The following CHRNB4 variants were observed in gnomAD, a reference collection of about 807,000 sequenced individuals.
CHRNB4 encodes the protein cholinergic receptor nicotinic beta 4 subunit.
A neutral mutation model predicts 40.4 loss-of-function variants in CHRNB4; 23 were observed. That is an observed-to-expected ratio of 0.57 (90% CI 0.41 to 0.81). The LOEUF is 0.81. Ranked by LOEUF, CHRNB4 falls within the 30% of genes least tolerant of loss-of-function variation. The pLI is 0.00. For missense variants in CHRNB4, 568 were observed against 670.6 expected (o/e 0.85, Z 1.69); for synonymous variants, 285 against 274.4 (o/e 1.04, Z -0.38).
intron 7 of CHRNB4, among the ~76,000 whole-genome samples, chr15:78,647,979 G>A (rs1279118854): frequency 6.6e-6 from 1 of 151,300 alleles, no homozygotes; most frequent in Non-Finnish European, 1.5e-5. Context: ...TGGTCTGAAT[G>A]TGTCTCCCAA....
intron 1 of CHRNB4, among the ~76,000 whole-genome samples, chr15:78,638,172 C>T (rs557861647): frequency 2.0e-3 from 301 of 152,334 alleles, no homozygotes; most frequent in African/African-American, 7.0e-3. Context: ...TCTGACAGGG[C>T]TCCCAAGCGC....
At position 78,648,603 on chromosome 15, in the gene CHRNB4, A is replaced by T. The variant is rs2054146230; in HGVS notation, c.46+776T>A. On this transcript the variant is annotated intron_variant and NMD_transcript_variant, in intron 7 of 11. Transcript: ENST00000559849. Reference sequence around the variant, plus strand: ...ACCCTGTATCTACTAAAAATACAAAAATTAGCCAGGTGTGGTGGCAGATGC... The same window carrying T: ...ACCCTGTATCTACTAAAAATACAAATATTAGCCAGGTGTGGTGGCAGATGC... 6.0e-5 allele frequency among the ~76,000 whole-genome samples: 9 copies of T among 150,560 alleles called. No homozygotes were observed. The South Asian group carries it at 1.9e-3, about 32-fold the overall frequency.
chr15:78,660,454 C>T (rs958579659), intron 1 of CHRNB4: 1 of 152,368 alleles, frequency 6.6e-6, no homozygotes, highest in African/African-American at 2.4e-5. Context: ...TCAATATTCT[C>T]CTTTCTAGTA....
Position 78,624,671 on chromosome 15 carries a change from CG to C in CHRNB4, c.*461del, listed in dbSNP as rs1444925542. Reference sequence around the variant, plus strand: ...GGCAGGAGAATCACTTGAGCCTGGGCGATATAGCAAGACTCCGTTTAAAAGA... The same window carrying C: ...GGCAGGAGAATCACTTGAGCCTGGGCATATAGCAAGACTCCGTTTAAAAGA... On this transcript the variant is annotated 3_prime_UTR_variant, in exon 6 of 6. Coordinates refer to ENST00000261751, the MANE Select transcript of CHRNB4 (RefSeq NM_000750.5). 88 of 288,568 alleles carry C rather than the reference CG, an allele frequency of 3.0e-4. No homozygotes were observed. The highest frequency in any genetic ancestry group is 1.2e-3 in the South Asian group (8 of 6,444). The allele number at this position is 288,568 out of a possible 1,614,324, so 17.9% of individuals were successfully genotyped here.
chr15:78,656,942 C>G (rs976190223), intron 3 of CHRNB4, among the ~76,000 whole-genome samples: 3 of 152,182 alleles, frequency 2.0e-5, no homozygotes, highest in Non-Finnish European at 4.4e-5. Flanking sequence ...GGCATCTGCC[C>G]TAAGTTCCAG....
At chr15:78,630,300 G>A (rs770360145) in intron 4 of CHRNB4, among the ~76,000 whole-genome samples, 21 of 152,118 alleles carry the variant, frequency 1.4e-4, no homozygotes, top group African/African-American at 3.9e-4. Flanking sequence ...CACCACGCCC[G>A]GCTAATTTTG....
Position 78,635,521 on chromosome 15 carries a change from T to C in CHRNB4, c.122A>G (p.Asn41Ser), listed in dbSNP as rs75495090. Residue 41 changes from asparagine (N) to serine (S), a missense_variant, in exon 2 of 6, where the codon AAT (asparagine) becomes AGT (serine). Around this residue, in one of 4 missense-constraint regions of CHRNB4, gnomAD observed 161 missense variants for 148.1 expected, o/e 1.09. Coordinates refer to ENST00000261751, the MANE Select transcript of CHRNB4 (RefSeq NM_000750.5). ...MDDLLNKTRY[N>S]NLIRPATSSS... ...GCTGGTGGCTGGGCGGATCAGGTTA[T>C]TGTAACGGGTTTTGTTCAGAAGGTC... 8.1e-4 allele frequency: 1,300 copies of C among 1,614,134 alleles called. 7 individuals carry two copies. The African/African-American group carries it at 0.015, about 19-fold the overall frequency.
intron 5 of CHRNB4, chr15:78,626,165 G>C (rs1231319322): frequency 6.6e-6 from 1 of 152,182 alleles, no homozygotes; most frequent in East Asian, 1.9e-4. Context: ...GTTTGTCAAG[G>C]CCCTGTCAAT....
Position 78,625,219 on chromosome 15 carries a change from C to A in CHRNB4, c.1411G>T (p.Val471Phe). Reference protein sequence around the residue: ...LFLWVFMFVCVLGTVGLFLPP... With the variant: ...LFLWVFMFVCFLGTVGLFLPP... ...AGGAAGAGCCCCACAGTGCCCAGGACGCACACAAACATGAACACCCACAGG... is the reference window on the plus strand; with the variant it reads ...AGGAAGAGCCCCACAGTGCCCAGGAAGCACACAAACATGAACACCCACAGG... Residue 471 changes from valine to phenylalanine, a missense_variant, in exon 6 of 6, where the codon GTC becomes TTC. Coordinates refer to ENST00000261751, the MANE Select transcript of CHRNB4 (RefSeq NM_000750.5). The A allele has an allele frequency of 1.9e-6, 3 of 1,595,624 alleles. No individual in the cohort carries two copies. The highest frequency in any genetic ancestry group is 1.8e-5 in the Admixed American group (1 of 56,044).
Position 78,647,485 on chromosome 15 carries a change from G to A in CHRNB4, c.46+1894C>T, listed in dbSNP as rs139224356. On this transcript the variant is annotated intron_variant and NMD_transcript_variant, in intron 7 of 11. Transcript: ENST00000559849. ...TACCATGGATAGGAGTGAGGGGAAT[G>A]GACACAGAAGTGATAATGAGATACT... 2.4e-3 allele frequency among the ~76,000 whole-genome samples: 367 copies of A among 151,918 alleles called. 2 individuals are homozygous for A. Among genetic ancestry groups the A allele is most frequent in the Admixed American group, 6.0e-3 (91 of 15,272 alleles).
rs1157443937 is a variant in CHRNB4, at chr15:78,629,127, G to T, written c.1178C>A (p.Ala393Asp). The change falls in exon 5 of 6, where the codon GCC (alanine) becomes GAC (aspartate). Residue 393 changes from alanine to aspartate, a missense_variant. Physicochemically the swap from Ala to Asp is moderately radical, Grantham distance 126 (BLOSUM62 -2). Around this residue, in one of 4 missense-constraint regions of CHRNB4, gnomAD observed 242 missense variants for 274.9 expected, o/e 0.88. Coordinates refer to ENST00000261751, the MANE Select transcript of CHRNB4 (RefSeq NM_000750.5). This position sits in a 1 kb window ranked among gnomAD's most constrained non-coding sequence, Gnocchi z 6.8. ...YGNSMYFVNP[A>D]SAASKSPAGS... ...GGCTGGAGACTTGGAAGCTGCAGAG[G>T]CGGGGTTCACAAAGTACATGGAGTT... 1 of 1,614,172 alleles carries T rather than the reference G, an allele frequency of 6.2e-7. No homozygotes were observed. The highest frequency in any genetic ancestry group is 1.7e-5 in the Admixed American group (1 of 60,024).
intron 1 of CHRNB4, among the ~76,000 whole-genome samples, chr15:78,637,527 G>A (rs1345737774): frequency 2.0e-5 from 3 of 152,156 alleles, no homozygotes; most frequent in Non-Finnish European, 2.9e-5. Flanking sequence ...GTGAGGGGCT[G>A]CCTGGCTCGC....
At chr15:78,659,235 C>T (rs943450375) in intron 1 of CHRNB4, among the ~76,000 whole-genome samples, 12 of 152,096 alleles carry the variant, frequency 7.9e-5, no homozygotes, top group African/African-American at 2.9e-4. Flanking sequence ...TTGAGACCAG[C>T]CTGGGCAACA....
intron 5 of CHRNB4, chr15:78,626,390 C>T (rs1345391790): frequency 1.7e-5 from 2 of 121,174 alleles, no homozygotes; most frequent in Non-Finnish European, 3.6e-5. Context: ...GTGTGTTTCC[C>T]CCTTTTAATA....
intron 1 of CHRNB4, among the ~76,000 whole-genome samples, chr15:78,658,962 G>C (rs571253584): frequency 1.3e-5 from 2 of 152,334 alleles, no homozygotes; most frequent in African/African-American, 4.8e-5. Context: ...GCAGCAGAAA[G>C]GAGGGTGAAG....
At chr15:78,660,686 C>T (rs2054244707), upstream of CHRNB4, 1 of 192,896 alleles carries the variant, frequency 5.2e-6, no homozygotes, top group East Asian at 1.4e-4. Context: ...ACACAGCCTT[C>T]GATGCAGGAA....
upstream of CHRNB4, among the ~76,000 whole-genome samples, chr15:78,644,222 A>G (rs1172479979): frequency 6.6e-6 from 1 of 151,524 alleles, no homozygotes; most frequent in Non-Finnish European, 1.5e-5. Flanking sequence ...ATCTAGCAAA[A>G]TATACGTAAG....
At chr15:78,628,933 T>C (rs752444020) in intron 5 of CHRNB4, 34 bp downstream of exon 5, 1 of 1,580,294 alleles carries the variant, frequency 6.3e-7, no homozygotes, top group Non-Finnish European at 8.6e-7. Context: ...CCCTTTCTGT[T>C]GGGCAGGTGG....
At chr15:78,651,034 C>T (rs568210876) in intron 6 of CHRNB4, among the ~76,000 whole-genome samples, 8 of 152,194 alleles carry the variant, frequency 5.3e-5, no homozygotes, top group African/African-American at 1.4e-4. Context: ...GACCTTTTCT[C>T]GGGCATTGGC....
Sources: allele counts gnomAD v4.1 joint callset (sites outside exome capture counted in the v4.1 genomes callset), GRCh38; gene constraint gnomAD v4.1.1; regional missense constraint gnomAD v4.1.1; non-coding constraint Gnocchi (gnomAD v3.1); transcripts MANE v1.5; gene names NCBI Gene and HGNC (gene_info 2026-07-23, HGNC 2026-07-21).